The following MLH3 variants were observed in gnomAD, a reference collection of about 807,000 sequenced individuals.
The protein encoded by MLH3 is DNA mismatch repair protein Mlh3.
In MLH3, 82 loss-of-function variants were observed where a neutral mutation model predicts 122.2. The ratio of observed to expected loss-of-function variants is 0.67; its 90% confidence interval spans 0.56 to 0.81. The LOEUF (loss-of-function observed/expected upper bound fraction) is 0.81. Among genes scored for constraint, MLH3 ranks in the 30% least tolerant of loss-of-function variants. MLH3 has a pLI of 0.00. For missense variants in MLH3, 1,539 were observed against 1,714.5 expected (o/e 0.90, Z 1.81); for synonymous variants, 524 against 599.5 (o/e 0.87, Z 1.84).
At position 75,014,217 on chromosome 14, in the gene MLH3, AT is replaced by A; in HGVS notation, c.*2864del. 5.9e-6 allele frequency: 1 copy of A among 170,546 alleles called. No individual in the cohort carries two copies. Among genetic ancestry groups the A allele is most frequent in the African/African-American group, 2.4e-5 (1 of 41,912 alleles). The allele number at this position is 170,546 out of a possible 1,614,324, so 10.6% of individuals were successfully genotyped here. On this transcript the variant is annotated 3_prime_UTR_variant, in exon 13 of 13. Transcript: ENST00000355774. ...CCTTGGGCCCCTTTCTGCTCTGACC[AT>A]TTTGCTTGCCTGGGTTTTTTCACTG...
rs1351063070 is a variant in MLH3 at position 75,036,358 on chromosome 14, A to ATT, written c.3643+1980_3643+1981dup. ...CACATTCTTGACATCTTTTTATTTT[A>ATT]TTTTTTTGACAGAGTTTCGCTCTGT... On this transcript the variant is annotated intron_variant, in intron 6 of 12. Coordinates refer to ENST00000355774, the MANE Select transcript of MLH3 (RefSeq NM_001040108.2). 6.7e-5 allele frequency among the ~76,000 whole-genome samples: 10 copies of ATT among 150,316 alleles called. No homozygotes were observed. In the East Asian group the frequency reaches 1.4e-3, roughly 21 times the overall value.
chr14:75,039,664 C>T (rs570959560), intron 5 of MLH3, among the ~76,000 whole-genome samples: 12 of 151,736 alleles, frequency 7.9e-5, no homozygotes, highest in African/African-American at 2.9e-4. Context: ...ATAATTCATT[C>T]CCTCCAAACC....
intron 2 of MLH3, among the ~76,000 whole-genome samples, chr14:75,045,044 T>C (rs1892115680): frequency 2.6e-5 from 4 of 152,126 alleles, no homozygotes; most frequent in Admixed American, 1.3e-4. Context: ...CTAAAAGCTA[T>C]ATTGGTTGGG....
rs757457956 is a variant in MLH3, at chr14:75,017,193, G to A, written c.4251C>T (p.Pro1417=). The A allele has an allele frequency of 6.2e-7, 1 of 1,613,700 alleles. No homozygotes were observed. Among genetic ancestry groups the A allele is most frequent in the African/African-American group, 1.3e-5 (1 of 74,918 alleles). The change falls in exon 13 of 13, where the codon CCC becomes CCT. Residue 1417 remains proline (P), a synonymous_variant. Coordinates refer to ENST00000355774, the MANE Select transcript of MLH3 (RefSeq NM_001040108.2). ...CCATTTTGCGAAGTTTAGTGAGGTT[G>A]GGTTTAATCTATGGGAAGAAAGAAT... ...DHLEQEKQIK[P]NLTKLRKMAQ... is the part of the protein sequence containing the mutation.
chr14:75,051,165 T>G (rs1892634267), intron 1 of MLH3: 1 of 151,956 alleles, frequency 6.6e-6, no homozygotes, highest in Non-Finnish European at 1.5e-5. Flanking sequence ...GCGGGCCGAG[T>G]CCGGGGCAGC....
At position 75,017,022 on chromosome 14, in the gene MLH3, C is replaced by G; in HGVS notation, c.*60G>C. 1 of 1,602,056 alleles carries G rather than the reference C, an allele frequency of 6.2e-7. No individual in the cohort carries two copies. Among genetic ancestry groups the G allele is most frequent in the African/African-American group, 1.3e-5 (1 of 74,744 alleles). On this transcript the variant is annotated 3_prime_UTR_variant, in exon 13 of 13. Coordinates refer to ENST00000355774, the MANE Select transcript of MLH3 (RefSeq NM_001040108.2). ...CGTGCTGGTACCTGCTGCTGCTGCT[C>G]TCTGCTCAGAGGCATACAGTGAACA...
intron 6 of MLH3, among the ~76,000 whole-genome samples, chr14:75,034,820 T>C (rs1390340959): frequency 6.6e-6 from 1 of 151,690 alleles, no homozygotes; most frequent in Non-Finnish European, 1.5e-5. Flanking sequence ...TCCCAACACT[T>C]TGGGAGGCTG....
At chr14:75,029,541 C>CA (rs1022510366) in intron 9 of MLH3, among the ~76,000 whole-genome samples, 3 of 146,086 alleles carry the variant, frequency 2.1e-5, no homozygotes, top group Non-Finnish European at 3.0e-5. Flanking sequence ...TTCTTTTTTT[C>CA]TTTTTTTTTT....
intron 2 of MLH3, among the ~76,000 whole-genome samples, chr14:75,043,822 G>A (rs1489000605): frequency 1.3e-5 from 2 of 152,178 alleles, no homozygotes; most frequent in African/African-American, 4.8e-5. Flanking sequence ...TAGGCTGGTG[G>A]CTCACGCCTG....
chr14:75,047,975 C>A lies in MLH3; in HGVS notation c.1681G>T (p.Gly561Ter). The A allele has an allele frequency of 6.2e-7, 1 of 1,614,096 alleles. No individual in the cohort carries two copies. Among genetic ancestry groups the A allele is most frequent in the Non-Finnish European group, 8.5e-7 (1 of 1,180,004 alleles). Residue 561 changes from glycine (G) to a stop codon, truncating the protein, a stop_gained, in exon 2 of 13, where the codon GGA becomes TGA. Coordinates refer to ENST00000355774, the MANE Select transcript of MLH3 (RefSeq NM_001040108.2). LOFTEE classifies it high-confidence loss of function. ...GTTGCAAAAGGCAGAGGCTGGCATCCCACTTCAGTAGCATCTTTAAATCTC... is the reference window on the plus strand; with the variant it reads ...GTTGCAAAAGGCAGAGGCTGGCATCACACTTCAGTAGCATCTTTAAATCTC... ...PKRFKDATEV[G>*]CQPLPFATTL...
At position 75,048,004 on chromosome 14, in the gene MLH3, G is replaced by C. The variant is rs1230335603; in HGVS notation, c.1652C>G (p.Pro551Arg). The C allele has an allele frequency of 8.1e-6, 13 of 1,613,766 alleles. No homozygotes were observed. Among genetic ancestry groups the C allele is most frequent in the Middle Eastern group, 1.7e-4 (1 of 6,060 alleles). ...ILKNNRIQNQ[P>R]KRFKDATEVG... Reference sequence around the variant, plus strand: ...TTCAGTAGCATCTTTAAATCTCTTTGGTTGATTCTGAATTCTATTATTTTT... The same window carrying C: ...TTCAGTAGCATCTTTAAATCTCTTTCGTTGATTCTGAATTCTATTATTTTT... Residue 551 changes from proline (P) to arginine (R), a missense_variant, in exon 2 of 13, where the codon CCA becomes CGA. Physicochemically the swap from Pro to Arg is moderately radical, Grantham distance 103 (BLOSUM62 -2). Transcript: ENST00000355774.
rs187330096 is a variant in MLH3 at position 75,016,342 on chromosome 14, T to A, written c.*740A>T. The A allele has an allele frequency of 7.3e-4, 142 of 194,230 alleles. 3 individuals carry two copies. In the East Asian group the frequency reaches 0.011, roughly 16 times the overall value. The allele number at this position is 194,230 out of a possible 1,614,324, so 12.0% of individuals were successfully genotyped here. A position where few individuals can be genotyped will look rare whatever the true frequency, so the allele number is the denominator to read the frequency against. Reference sequence around the variant, plus strand: ...ATAAAGTACCAAAAAAAATCATATTTTAAAAAACAAGCTCATAGTATTTTC... The same window carrying A: ...ATAAAGTACCAAAAAAAATCATATTATAAAAAACAAGCTCATAGTATTTTC... On this transcript the variant is annotated 3_prime_UTR_variant, in exon 13 of 13. Transcript: ENST00000355774.
Position 75,047,950 on chromosome 14 carries a change from G to T in MLH3, c.1706C>A (p.Thr569Lys), listed in dbSNP as rs1566606644. Residue 569 changes from threonine (T) to lysine (K), a missense_variant, in exon 2 of 13, where the codon ACA (threonine) becomes AAA (lysine). Physicochemically the swap from Thr to Lys is moderately conservative, Grantham distance 78 (BLOSUM62 -1). Coordinates refer to ENST00000355774, the MANE Select transcript of MLH3 (RefSeq NM_001040108.2). Reference sequence around the variant, plus strand: ...AGCACTATGTACTCCCCATAATGTTGTTGCAAAAGGCAGAGGCTGGCATCC... The same window carrying T: ...AGCACTATGTACTCCCCATAATGTTTTTGCAAAAGGCAGAGGCTGGCATCC... ...EVGCQPLPFA[T>K]TLWGVHSAQT... 6.2e-7 allele frequency: 1 copy of T among 1,613,710 alleles called. No individual in the cohort carries two copies. Among genetic ancestry groups the T allele is most frequent in the African/African-American group, 1.3e-5 (1 of 74,876 alleles).
intron 4 of MLH3, among the ~76,000 whole-genome samples, chr14:75,040,563 T>C (rs1029804102): frequency 6.8e-6 from 1 of 147,900 alleles, no homozygotes; most frequent in African/African-American, 2.5e-5. Flanking sequence ...ACAAAAAAAA[T>C]TGTTTCACAA....
Position 75,022,418 on chromosome 14 carries a change from C to A in MLH3, c.4090+396G>T, listed in dbSNP as rs749721092. 2.0e-5 allele frequency among the ~76,000 whole-genome samples: 3 copies of A among 152,304 alleles called. No individual in the cohort carries two copies. The South Asian group carries it at 6.2e-4, about 32-fold the overall frequency. ...TTCTAGGTTTCTGTTCTCTTACCTG[C>A]CTAGTTTCTTGATACTCTTTGCTGC... On this transcript the variant is annotated intron_variant, in intron 11 of 12. Transcript: ENST00000355774.
At chr14:75,021,273 G>T (rs532928054) in intron 11 of MLH3, among the ~76,000 whole-genome samples, 1 of 152,316 alleles carries the variant, frequency 6.6e-6, no homozygotes, top group East Asian at 1.9e-4. Context: ...GACTCTAAAA[G>T]CAACTGCAAT....
intron 6 of MLH3, chr14:75,036,490 A>T (rs1393795204): frequency 8.5e-6 from 3 of 352,102 alleles, no homozygotes; most frequent in African/African-American, 2.1e-5. Flanking sequence ...GATTACAGGC[A>T]TCTGCCACCA....
chr14:75,046,529 C>G lies in MLH3; in HGVS notation c.3127G>C (p.Asp1043His), dbSNP rs1892235431. 1 of 1,614,102 alleles carries G rather than the reference C, an allele frequency of 6.2e-7. No homozygotes were observed. The highest frequency in any genetic ancestry group is 1.3e-5 in the African/African-American group (1 of 74,934). ...ETEESNTCCS[D>H]WQRHFDVALG... ...GCTACATCGAAATGCCGCTGCCAAT[C>G]TGAACAACACGTGTTTGACTCTTCA... Residue 1043 changes from aspartate to histidine, a missense_variant, in exon 2 of 13, where the codon GAT becomes CAT. Coordinates refer to ENST00000355774, the MANE Select transcript of MLH3 (RefSeq NM_001040108.2).
At chr14:75,021,400 C>T (rs1273155173) in intron 11 of MLH3, among the ~76,000 whole-genome samples, 1 of 152,174 alleles carries the variant, frequency 6.6e-6, no homozygotes, top group Non-Finnish European at 1.5e-5. Context: ...TTGCAAACTG[C>T]ATCCAACAGA....
Sources: gnomAD v4.1 joint callset for allele counts (sites outside exome capture counted in the v4.1 genomes callset) on GRCh38, gnomAD v4.1.1 for gene constraint, MANE v1.5 for transcripts, NCBI Gene and HGNC (gene_info 2026-07-23, HGNC 2026-07-21) for gene names.